The following TMEM131 variants were observed in gnomAD, a reference collection of about 807,000 sequenced individuals.
TMEM131 encodes 2610524E03Rik.
TMEM131 carries 66 observed loss-of-function variants against 211.6 expected under a neutral mutation model. That is an observed-to-expected ratio of 0.31 (90% CI 0.26 to 0.38). TMEM131 has a LOEUF of 0.38. Ranked by LOEUF, TMEM131 falls within the 10% of genes least tolerant of loss-of-function variation. The pLI is 1.00. For missense variants in TMEM131, 2,036 were observed against 2,299.3 expected (o/e 0.89, Z 2.34); for synonymous variants, 844 against 841.3 (o/e 1.00, Z -0.06).
At chr2:97,980,383 T>C (rs1021841584) in intron 1 of TMEM131, among the ~76,000 whole-genome samples, 4 of 152,160 alleles carry the variant, frequency 2.6e-5, no homozygotes, top group Non-Finnish European at 5.9e-5. Context: ...CCTGTACCAC[T>C]ACACACCTGT....
At chr2:97,893,993 G>C (rs1675495775) in intron 3 of TMEM131, among the ~76,000 whole-genome samples, 1 of 152,096 alleles carries the variant, frequency 6.6e-6, no homozygotes, top group South Asian at 2.1e-4. Context: ...TTTTCTTCTA[G>C]GATTTTTATG....
At chr2:97,858,325 G>A (rs968894338) in intron 5 of TMEM131, among the ~76,000 whole-genome samples, 6 of 152,118 alleles carry the variant, frequency 3.9e-5, no homozygotes, top group African/African-American at 1.4e-4. Flanking sequence ...ATATATTAAA[G>A]TTTTAGGTAT....
chr2:97,845,900 A>G (rs941639341), intron 5 of TMEM131, among the ~76,000 whole-genome samples: 1 of 152,164 alleles, frequency 6.6e-6, no homozygotes, highest in East Asian at 1.9e-4. Flanking sequence ...CATTGCATAC[A>G]CTTTACACAC....
intron 1 of TMEM131, among the ~76,000 whole-genome samples, chr2:97,967,085 G>C (rs1010819409): frequency 6.6e-6 from 1 of 152,100 alleles, no homozygotes; most frequent in Non-Finnish European, 1.5e-5. Context: ...GAGTCAGATG[G>C]AACTTATGGA....
At chr2:97,966,759 G>T (rs1046773533) in intron 1 of TMEM131, among the ~76,000 whole-genome samples, 7 of 152,104 alleles carry the variant, frequency 4.6e-5, no homozygotes, top group Non-Finnish European at 1.0e-4. Context: ...ACCAACCCTA[G>T]AAGACAGGTA....
chr2:97,853,544 T>TTGTGAGTGA (rs1673714196), intron 5 of TMEM131, among the ~76,000 whole-genome samples: 3 of 149,388 alleles, frequency 2.0e-5, no homozygotes, highest in Non-Finnish European at 4.4e-5. Context: ...AGGCGGAGGT[T>TTGTGAGTGA]GCAGTGAGCC....
intron 31 of TMEM131, among the ~76,000 whole-genome samples, chr2:97,782,158 G>C (rs562769666): frequency 6.6e-6 from 1 of 152,218 alleles, no homozygotes; most frequent in Non-Finnish European, 1.5e-5. Context: ...TGACAGAGGA[G>C]GCCGAGTGGA....
At chr2:97,813,841 C>G in intron 15 of TMEM131, 130 bp downstream of exon 15, 1 of 730,390 alleles carries the variant, frequency 1.4e-6, no homozygotes, top group Non-Finnish European at 2.1e-6. Context: ...TAAAAACTGA[C>G]TAGGAGAATT....
At chr2:97,842,422 T>A (rs1490366829) in intron 6 of TMEM131, among the ~76,000 whole-genome samples, 1 of 152,146 alleles carries the variant, frequency 6.6e-6, no homozygotes. Context: ...TATACAATAG[T>A]GAACAATTCA....
chr2:97,915,394 C>T (rs1300747619), intron 2 of TMEM131, among the ~76,000 whole-genome samples: 1 of 152,154 alleles, frequency 6.6e-6, no homozygotes, highest in African/African-American at 2.4e-5. Context: ...GATCATGGCT[C>T]ACTGCAGGCT....
At position 97,812,451 on chromosome 2, in the gene TMEM131, A is replaced by T. The variant is rs757192909; in HGVS notation, c.1833T>A (p.Phe611Leu). The change falls in exon 17 of 41, where the codon TTT becomes TTA. Residue 611 changes from phenylalanine to leucine, a missense_variant. Phe to Leu is a conservative substitution (Grantham distance 22, BLOSUM62 0). Coordinates refer to ENST00000186436, the MANE Select transcript of TMEM131 (RefSeq NM_015348.2). ...RTTIISSLPE[F>L]EKSSLSDQSS... ...ATTGATCTGATAAAGAGGATTTTTC[A>T]AACTCTGGCAGGCTTGAAATTATTG... The T allele has an allele frequency of 1.2e-5, 20 of 1,609,804 alleles. No individual in the cohort carries two copies. In the East Asian group the frequency reaches 4.5e-4, roughly 36 times the overall value.
intron 1 of TMEM131, among the ~76,000 whole-genome samples, chr2:97,955,253 T>C (rs1302857537): frequency 4.6e-5 from 7 of 151,904 alleles, no homozygotes; most frequent in African/African-American, 1.5e-4. Context: ...GCAAAAAAAA[T>C]CATTTGACAA....
chr2:97,885,640 C>T (rs894367101), intron 4 of TMEM131, among the ~76,000 whole-genome samples: 2 of 151,858 alleles, frequency 1.3e-5, no homozygotes. Context: ...GCTGAGAAAT[C>T]TGCTGTTAGT....
At chr2:97,986,276 A>G (rs561522820) in intron 1 of TMEM131, among the ~76,000 whole-genome samples, 1 of 152,302 alleles carries the variant, frequency 6.6e-6, no homozygotes, top group Admixed American at 6.5e-5. Flanking sequence ...TGAGATGTGA[A>G]TTGATTGCCT....
At chr2:97,925,245 G>A (rs1573565775) in intron 2 of TMEM131, among the ~76,000 whole-genome samples, 2 of 152,236 alleles carry the variant, frequency 1.3e-5, no homozygotes, top group Admixed American at 1.3e-4. Context: ...GCTTGTAAAT[G>A]AAAGAATCTT....
chr2:97,764,575 C>T (rs979641876), intron 35 of TMEM131: 1 of 152,356 alleles, frequency 6.6e-6, no homozygotes, highest in South Asian at 2.1e-4. Flanking sequence ...CAGTGCCCAC[C>T]GTGGAGCTCT....
intron 4 of TMEM131, among the ~76,000 whole-genome samples, chr2:97,873,078 T>G (rs927150803): frequency 2.6e-5 from 4 of 152,224 alleles, no homozygotes; most frequent in African/African-American, 9.6e-5. Flanking sequence ...CGTCCGCCAT[T>G]GCTAAGGCTT....
intron 6 of TMEM131, among the ~76,000 whole-genome samples, chr2:97,842,855 G>T (rs149982437): frequency 1.3e-5 from 2 of 152,068 alleles, no homozygotes; most frequent in African/African-American, 4.8e-5. Flanking sequence ...TACTCAACAC[G>T]TACATGCTAA....
rs922351271 is a variant in TMEM131, at chr2:97,792,431, C to T, written c.4099G>A (p.Glu1367Lys). 4.3e-6 allele frequency: 7 copies of T among 1,610,924 alleles called. No individual in the cohort carries two copies. The African/African-American group carries it at 5.3e-5, about 12-fold the overall frequency. The change falls in exon 31 of 41, where the codon GAA becomes AAA. Residue 1367 changes from glutamate (E) to lysine (K), a missense_variant. Around this residue, in one of 3 missense-constraint regions of TMEM131, gnomAD observed 1,623 missense variants for 1,805.9 expected, o/e 0.90. Transcript: ENST00000186436. ...GATGGAGGCTGCTCTGTAAACACTT[C>T]TAGGGCTGGGGAGTCATGGTGGTCG... is the stretch of plus-strand genomic sequence containing the variant. ...DFDHHDSPAL[E>K]VFTEQPPSPL...
Sources: gnomAD v4.1 joint callset for allele counts (sites outside exome capture counted in the v4.1 genomes callset) on GRCh38, gnomAD v4.1.1 for gene constraint, gnomAD v4.1.1 regional missense constraint, MANE v1.5 for transcripts, NCBI Gene and HGNC (gene_info 2026-07-23, HGNC 2026-07-21) for gene names.